PRKG1: variants seen among roughly 807,000 people sequenced by gnomAD.
The protein encoded by PRKG1 is cGMP-dependent protein kinase 1.
In PRKG1, 35 loss-of-function variants were observed where a neutral mutation model predicts 88.1. The observed-to-expected ratio is 0.40, with a 90% CI of 0.30 to 0.53. PRKG1 has a LOEUF of 0.53. Ranked by LOEUF, PRKG1 falls within the 20% of genes least tolerant of loss-of-function variation. The probability of loss-of-function intolerance (pLI) is 0.59; values close to 1 mark genes in which losing one functional copy is unlikely to be tolerated. For missense variants in PRKG1, 540 were observed against 839.8 expected, an observed-to-expected ratio of 0.64 and a Z score of 4.41; for synonymous variants, 303 against 292.5, an observed-to-expected ratio of 1.04 and a Z score of -0.37.
At chr10:51,714,389 G>A (rs966484321) in intron 3 of PRKG1, among the ~76,000 whole-genome samples, 5 of 151,458 alleles carry the variant, frequency 3.3e-5, no homozygotes, top group Middle Eastern at 3.5e-3. Context: ...CCATGGGAGA[G>A]GCATGAGCTA....
At chr10:51,836,642 T>TATACACTATCCAAAATATAC (rs1211309698) in intron 4 of PRKG1, among the ~76,000 whole-genome samples, 1 of 152,084 alleles carries the variant, frequency 6.6e-6, no homozygotes, top group South Asian at 2.1e-4. Context: ...GGATAAGGGG[T>TATACACTATCCAAAATATAC]ATACACTATC....
At chr10:51,155,769 T>G (rs1234596308) in intron 2 of PRKG1, among the ~76,000 whole-genome samples, 1 of 151,982 alleles carries the variant, frequency 6.6e-6, no homozygotes, top group Non-Finnish European at 1.5e-5. Flanking sequence ...AATTTCCTCT[T>G]TCTAGGGGAA....
intron 2 of PRKG1, among the ~76,000 whole-genome samples, chr10:51,247,593 G>T (rs1839324030): frequency 1.3e-5 from 2 of 151,874 alleles, no homozygotes; most frequent in Admixed American, 6.6e-5. Flanking sequence ...TTACCCTGAG[G>T]ACAGGACGTT....
chr10:52,190,934 T>G (rs1839346741), intron 9 of PRKG1, among the ~76,000 whole-genome samples: 1 of 152,224 alleles, frequency 6.6e-6, no homozygotes, highest in South Asian at 2.1e-4. Flanking sequence ...ATATGTATCT[T>G]CTAAAACTAC....
At chr10:51,802,482 T>C (rs1564652794) in intron 3 of PRKG1, among the ~76,000 whole-genome samples, 2 of 152,140 alleles carry the variant, frequency 1.3e-5, no homozygotes, top group Admixed American at 6.6e-5. Context: ...ATCTGATACA[T>C]TCAGTTTAGA....
intron 3 of PRKG1, among the ~76,000 whole-genome samples, chr10:51,788,897 G>C (rs1423072153): frequency 6.6e-6 from 1 of 152,096 alleles, no homozygotes. Context: ...ATTAATTAAG[G>C]ATATGTCAAA....
chr10:51,196,197 C>A (rs1435035276), intron 2 of PRKG1, among the ~76,000 whole-genome samples: 2 of 152,116 alleles, frequency 1.3e-5, no homozygotes, highest in Non-Finnish European at 2.9e-5. Context: ...AGGTTAAAAC[C>A]TTTCTGTATC....
At chr10:52,028,369 G>T (rs2133205270) in intron 5 of PRKG1, among the ~76,000 whole-genome samples, 1 of 152,220 alleles carries the variant, frequency 6.6e-6, no homozygotes, top group African/African-American at 2.4e-5. Context: ...CAAGATTTAT[G>T]TGTGTGTCCC....
At chr10:52,225,756 C>CT (rs1306083686) in intron 9 of PRKG1, among the ~76,000 whole-genome samples, 1 of 152,016 alleles carries the variant, frequency 6.6e-6, no homozygotes. Flanking sequence ...CCTTTCCCCA[C>CT]TTTATCTTTT....
intron 3 of PRKG1, among the ~76,000 whole-genome samples, chr10:51,673,002 C>T (rs927946802): frequency 1.3e-5 from 2 of 152,206 alleles, no homozygotes; most frequent in African/African-American, 4.8e-5. Flanking sequence ...TTCTGTCTTT[C>T]ATTCACCATG....
chr10:51,674,203 G>T (rs35025325), intron 3 of PRKG1, among the ~76,000 whole-genome samples: 323 of 152,110 alleles, frequency 2.1e-3, no homozygotes, highest in African/African-American at 7.5e-3. Context: ...AAGTTCTGGG[G>T]TACATGTGCA....
intron 3 of PRKG1, among the ~76,000 whole-genome samples, chr10:51,509,270 G>T (rs1841321243): frequency 6.6e-6 from 1 of 152,118 alleles, no homozygotes; most frequent in Non-Finnish European, 1.5e-5. Flanking sequence ...AAATGCTTTA[G>T]AAATACACTT....
intron 3 of PRKG1, chr10:51,697,990 T>C (rs1177978393): frequency 6.2e-7 from 1 of 1,611,196 alleles, no homozygotes. Context: ...GTATGCCTGC[T>C]CCCTGCATGC....
chr10:52,174,442 G>A (rs1484970175), intron 9 of PRKG1, among the ~76,000 whole-genome samples: 1 of 151,874 alleles, frequency 6.6e-6, no homozygotes, highest in Non-Finnish European at 1.5e-5. Flanking sequence ...TGACATGAGT[G>A]ATCAGAGCAA....
At chr10:51,913,537 CCTT>C (rs1289489134) in intron 5 of PRKG1, among the ~76,000 whole-genome samples, 2 of 152,250 alleles carry the variant, frequency 1.3e-5, no homozygotes, top group East Asian at 1.9e-4. Context: ...GTGAATCACT[CCTT>C]CTTCAAGAAC....
chr10:52,205,245 C>T (rs1280298911), intron 9 of PRKG1, among the ~76,000 whole-genome samples: 1 of 152,040 alleles, frequency 6.6e-6, no homozygotes, highest in Admixed American at 6.5e-5. Context: ...CTTTTGTCTC[C>T]CTTGAAGCAT....
intron 5 of PRKG1, among the ~76,000 whole-genome samples, chr10:51,952,916 A>T (rs1843219196): frequency 2.0e-5 from 3 of 152,342 alleles, no homozygotes; most frequent in East Asian, 3.9e-4. Context: ...AGCCTGGGAC[A>T]GTGTGATTAA....
chr10:51,706,758 G>T (rs1200234941), intron 3 of PRKG1, among the ~76,000 whole-genome samples: 3 of 152,054 alleles, frequency 2.0e-5, no homozygotes, highest in Non-Finnish European at 4.4e-5. Flanking sequence ...TAATTTTGTG[G>T]CATTGTACAA....
At chr10:51,685,214 G>A (rs939674649) in intron 3 of PRKG1, among the ~76,000 whole-genome samples, 10 of 152,188 alleles carry the variant, frequency 6.6e-5, no homozygotes, top group African/African-American at 2.4e-4. Flanking sequence ...AATGGGGACA[G>A]TAAGGGCTTG....
Sources: allele counts gnomAD v4.1 joint callset (sites outside exome capture counted in the v4.1 genomes callset), GRCh38; gene constraint gnomAD v4.1.1; transcripts MANE v1.5; gene names NCBI Gene and HGNC (gene_info 2026-07-23, HGNC 2026-07-21).